ADAM28: variants seen among roughly 807,000 people sequenced by gnomAD.
The protein encoded by ADAM28 is disintegrin and metalloproteinase domain-containing protein 28.
Under a neutral mutation model 101.2 loss-of-function variants are expected in ADAM28, and 105 were observed. The observed-to-expected ratio is 1.04, with a 90% confidence interval of 0.89 to 1.22. ADAM28 has a LOEUF of 1.22. ADAM28 is among the 50% of genes most tolerant of loss of function. The probability of loss-of-function intolerance (pLI) is 0.00; values close to 1 mark genes in which losing one functional copy is unlikely to be tolerated. For synonymous variants in ADAM28, 322 were observed against 310.6 expected, an observed-to-expected ratio of 1.04 and a Z score of -0.39; for missense variants, 1,028 against 945.4, an observed-to-expected ratio of 1.09 and a Z score of -1.15.
At chr8:24,298,425 ACGC>A (rs1808269146) in intron 1 of ADAM28, among the ~76,000 whole-genome samples, 1 of 152,134 alleles carries the variant, frequency 6.6e-6, no homozygotes, top group Non-Finnish European at 1.5e-5. Flanking sequence ...TTTTTAAAAA[ACGC>A]TGTTTTTTGA....
chr8:24,330,681 G>A (rs978780211), intron 11 of ADAM28, among the ~76,000 whole-genome samples: 4 of 152,024 alleles, frequency 2.6e-5, no homozygotes, highest in African/African-American at 9.7e-5. Context: ...ATTCTCCAAA[G>A]CCCCTGTACA....
chr8:24,351,719 A>T (rs970871209), intron 20 of ADAM28, among the ~76,000 whole-genome samples: 5 of 152,030 alleles, frequency 3.3e-5, no homozygotes, highest in African/African-American at 1.2e-4. Flanking sequence ...TGTCCTGTAA[A>T]TTTAAAGATT....
rs148363179 is a variant in ADAM28, at chr8:24,329,847, C to CTG, written c.973-118_973-117dup. 3,442 of 670,182 alleles carry CTG rather than the reference C, an allele frequency of 5.1e-3. 6 individuals are homozygous for CTG. Among genetic ancestry groups the CTG allele is most frequent in the African/African-American group, 0.014 (737 of 52,614 alleles). 41.5% of individuals were successfully genotyped at this position (670,182 alleles called of 1,614,324 possible). Reference sequence around the variant, plus strand: ...CATTTAGTACTCTCTCTCTCTTGCTCTGTGTGTGTGTGTGTGTGTGTTTGT... The same window carrying CTG: ...CATTTAGTACTCTCTCTCTCTTGCTCTGTGTGTGTGTGTGTGTGTGTGTTTGT... On this transcript the variant is annotated intron_variant, in intron 10 of 22. Transcript: ENST00000265769.
At chr8:24,326,897 C>A (rs750559240) in intron 10 of ADAM28, among the ~76,000 whole-genome samples, 1 of 151,922 alleles carries the variant, frequency 6.6e-6, no homozygotes, top group African/African-American at 2.4e-5. Flanking sequence ...AGGAACATAT[C>A]TCAAAATAAT....
At chr8:24,302,235 C>T (rs967500087) in intron 2 of ADAM28, among the ~76,000 whole-genome samples, 1 of 152,174 alleles carries the variant, frequency 6.6e-6, no homozygotes, top group South Asian at 2.1e-4. Context: ...ATAACGGCTT[C>T]CAGCTCCATC....
At chr8:24,345,256 A>G (rs1403760875) in intron 18 of ADAM28, among the ~76,000 whole-genome samples, 4 of 151,962 alleles carry the variant, frequency 2.6e-5, no homozygotes, top group Non-Finnish European at 5.9e-5. Flanking sequence ...CATTGAAGAA[A>G]TGTTTCTGTT....
intron 14 of ADAM28, among the ~76,000 whole-genome samples, chr8:24,337,343 C>T (rs189995036): frequency 6.6e-6 from 1 of 152,344 alleles, no homozygotes. Context: ...AAATCTTTAG[C>T]ACAGAGGTGA....
At chr8:24,305,394 G>A (rs1367258650) in intron 2 of ADAM28, among the ~76,000 whole-genome samples, 2 of 149,230 alleles carry the variant, frequency 1.3e-5, no homozygotes, top group African/African-American at 2.5e-5. Flanking sequence ...TTCTATGAGA[G>A]CAAGTGTAAC....
In ADAM28 at chr8:24,343,574, A is replaced by G; in HGVS notation, c.1980A>G (p.Ser660=). The G allele has an allele frequency of 6.2e-7, 1 of 1,613,738 alleles. No individual in the cohort carries two copies. The highest frequency in any genetic ancestry group is 8.5e-7 in the Non-Finnish European group (1 of 1,179,778). The part of the protein sequence containing the change: ...GWIPPDCDDS[S]VVFHFSIVVG... Reference sequence around the variant, plus strand: ...TCCCTCCCGACTGCGATGACTCCTCAGTGGTCTTCCGTAGGTAACATTACA... The same window carrying G: ...TCCCTCCCGACTGCGATGACTCCTCGGTGGTCTTCCGTAGGTAACATTACA... The change falls in exon 18 of 23, where the codon TCA becomes TCG. Residue 660 remains serine (S), a synonymous_variant. Transcript: ENST00000265769.
chr8:24,321,035 T>G, intron 7 of ADAM28, among the ~76,000 whole-genome samples, 183 bp from the exon 8 acceptor site: 1 of 151,972 alleles, frequency 6.6e-6, no homozygotes, highest in Non-Finnish European at 1.5e-5. Flanking sequence ...TCATATTCAC[T>G]CCCAAAGTGC....
chr8:24,352,379 T>C (rs192528879), intron 21 of ADAM28, among the ~76,000 whole-genome samples: 56 of 152,326 alleles, frequency 3.7e-4, no homozygotes, highest in Admixed American at 1.2e-3. Context: ...TTCTGGAGAC[T>C]GGGAAGTCCA....
chr8:24,312,369 G>A (rs1335365199), intron 5 of ADAM28, among the ~76,000 whole-genome samples: 1 of 151,806 alleles, frequency 6.6e-6, no homozygotes, highest in African/African-American at 2.4e-5. Flanking sequence ...ATTCCTTGAG[G>A]TCTGCTTGCC....
chr8:24,318,713 G>A (rs1811484979), intron 6 of ADAM28, among the ~76,000 whole-genome samples: 1 of 151,812 alleles, frequency 6.6e-6, no homozygotes, highest in Non-Finnish European at 1.5e-5. Flanking sequence ...AATTATCCTT[G>A]ATTCTCTTTT....
In ADAM28 at chr8:24,331,218, T is replaced by G. The variant is rs761352056; in HGVS notation, c.1172T>G (p.Leu391Ter). The G allele has an allele frequency of 3.1e-6, 5 of 1,613,554 alleles. No homozygotes were observed. In the Admixed American group the frequency reaches 8.3e-5, roughly 27 times the overall value. ...TATGACAAGTTTTTTGAAGATAAATTATCAAATTGCCTCTTTAATGCTCCA... is the reference window on the plus strand; with the variant it reads ...TATGACAAGTTTTTTGAAGATAAATGATCAAATTGCCTCTTTAATGCTCCA... The part of the protein sequence containing the change: ...LSYDKFFEDK[L>*]SNCLFNAPLP... Residue 391 changes from leucine (L) to a stop codon, truncating the protein, a stop_gained, in exon 12 of 23, where the codon TTA (leucine) becomes TGA (stop). Transcript: ENST00000265769. LOFTEE classifies it high-confidence loss of function.
intron 14 of ADAM28, among the ~76,000 whole-genome samples, chr8:24,336,689 G>A (rs1354519887): frequency 6.6e-6 from 1 of 151,170 alleles, no homozygotes; most frequent in Non-Finnish European, 1.5e-5. Flanking sequence ...AAAGTTGAAC[G>A]CATAGAAGCA....
intron 18 of ADAM28, among the ~76,000 whole-genome samples, chr8:24,345,401 T>C (rs1001528739): frequency 6.6e-6 from 1 of 152,084 alleles, no homozygotes; most frequent in Non-Finnish European, 1.5e-5. Flanking sequence ...TTGTTAATTC[T>C]GGGGAAGTTT....
intron 2 of ADAM28, 139 bp from the exon 3 acceptor site, chr8:24,309,755 G>T (rs1366696311): frequency 1.6e-6 from 1 of 607,290 alleles, no homozygotes; most frequent in East Asian, 2.9e-5. Flanking sequence ...TGTTTGATCT[G>T]TCAAGAGGGG....
At chr8:24,343,441 A>T (rs1205522348) in intron 17 of ADAM28, 65 bp from the exon 18 acceptor site, 5 of 1,493,220 alleles carry the variant, frequency 3.3e-6, no homozygotes, top group African/African-American at 2.8e-5. Context: ...TTTATTATGG[A>T]TGAGTAGGGC....
intron 2 of ADAM28, among the ~76,000 whole-genome samples, chr8:24,306,758 A>G (rs139917703): frequency 7.9e-5 from 12 of 152,248 alleles, no homozygotes; most frequent in African/African-American, 2.9e-4. Context: ...TTATCTGGCA[A>G]TCCTATCCTG....
Sources: gnomAD v4.1 joint callset for allele counts (sites outside exome capture counted in the v4.1 genomes callset) on GRCh38, gnomAD v4.1.1 for gene constraint, MANE v1.5 for transcripts, NCBI Gene and HGNC (gene_info 2026-07-23, HGNC 2026-07-21) for gene names.